The following SNX29 variants were observed in gnomAD, a reference collection of about 807,000 sequenced individuals.
SNX29 encodes the protein sorting nexin 29.
SNX29 carries 78 observed loss-of-function variants against 102.1 expected under a neutral mutation model. The ratio of observed to expected loss-of-function variants is 0.76; its 90% CI spans 0.64 to 0.92. The LOEUF is 0.92. Ranked by LOEUF, SNX29 falls within the 40% of genes least tolerant of loss-of-function variation. SNX29 has a pLI of 0.00. For missense variants in SNX29, 1,280 were observed against 1,061.7 expected, an observed-to-expected ratio of 1.21 and a Z score of -2.86; for synonymous variants, 580 against 414.5, an observed-to-expected ratio of 1.40 and a Z score of -4.85.
intron 4 of SNX29, among the ~76,000 whole-genome samples, chr16:12,034,356 C>T (rs895639875): frequency 2.0e-5 from 3 of 152,182 alleles, no homozygotes; most frequent in African/African-American, 7.2e-5. Flanking sequence ...CATGCACGTG[C>T]CAATCAGCTG....
rs574223341 is a variant in SNX29 at position 12,287,994 on chromosome 16, T to A, written c.1782+9958T>A. Among the ~76,000 whole-genome samples the A allele has an allele frequency of 3.3e-5, 5 of 152,324 alleles. No homozygotes were observed. In the South Asian group the frequency reaches 1.0e-3, roughly 32 times the overall value. ...AGCTATAGATATTGATGTCACAGCC[T>A]GGGCAATGTAGTGAGACCCTGTAAT... On this transcript the variant is annotated intron_variant, in intron 15 of 20. Coordinates refer to ENST00000566228, the MANE Select transcript of SNX29 (RefSeq NM_032167.5).
intron 13 of SNX29, among the ~76,000 whole-genome samples, chr16:12,152,804 T>C (rs2055355056): frequency 6.6e-6 from 1 of 152,250 alleles, no homozygotes; most frequent in Non-Finnish European, 1.5e-5. Flanking sequence ...ACACCAGTAA[T>C]GGTTCTGTCT....
chr16:12,430,774 TAAAG>T (rs1288397291), intron 18 of SNX29, among the ~76,000 whole-genome samples: 1 of 151,908 alleles, frequency 6.6e-6, no homozygotes, highest in Non-Finnish European at 1.5e-5. Flanking sequence ...GGTGGGAGAA[TAAAG>T]AGAGACACCT....
chr16:12,275,901 T>TG (rs1491065318), intron 14 of SNX29, among the ~76,000 whole-genome samples: 1 of 102,882 alleles, frequency 9.7e-6, no homozygotes, highest in East Asian at 2.5e-4. Context: ...TTTTTTTTTT[T>TG]TGGGGGGCGT....
intron 13 of SNX29, among the ~76,000 whole-genome samples, chr16:12,146,101 G>A (rs918212056): frequency 2.0e-5 from 3 of 152,174 alleles, no homozygotes; most frequent in African/African-American, 4.8e-5. Context: ...CATTCCTTAG[G>A]GTACTTGGTG....
At chr16:12,436,067 C>T (rs931625764) in intron 18 of SNX29, among the ~76,000 whole-genome samples, 7 of 152,180 alleles carry the variant, frequency 4.6e-5, no homozygotes, top group African/African-American at 1.7e-4. Context: ...CAATGGCACT[C>T]AATTGGGGCG....
Position 12,356,275 on chromosome 16 carries a change from G to T in SNX29, c.1895G>T (p.Gly632Val). 1 of 1,600,004 alleles carries T rather than the reference G, an allele frequency of 6.2e-7. No homozygotes were observed. ...QMRQELIDLR[G>V]PVPGDLSQTS... The stretch of plus-strand genomic sequence containing the variant: ...AGGCAGGAGCTCATCGATCTCCGGG[G>T]ACCGGTGAGTGTTTCCCCAACCCTG... The change falls in exon 16 of 21, where the codon GGA becomes GTA. Residue 632 changes from glycine (G) to valine (V), a missense_variant. Coordinates refer to ENST00000566228, the MANE Select transcript of SNX29 (RefSeq NM_032167.5).
intron 20 of SNX29, among the ~76,000 whole-genome samples, chr16:12,554,877 G>A (rs146987138): frequency 0.016 from 2,360 of 152,178 alleles, 53 homozygotes; most frequent in African/African-American, 0.052. Context: ...ACAAAGATAT[G>A]TCAGCATGCC....
intron 14 of SNX29, among the ~76,000 whole-genome samples, chr16:12,220,967 A>C (rs1255419933): frequency 6.6e-6 from 1 of 152,162 alleles, no homozygotes; most frequent in Non-Finnish European, 1.5e-5. Context: ...AAATGAATAA[A>C]TATGTGCTGT....
intron 14 of SNX29, among the ~76,000 whole-genome samples, chr16:12,244,230 C>CT (rs1462324191): frequency 1.3e-5 from 2 of 152,174 alleles, no homozygotes; most frequent in Non-Finnish European, 2.9e-5. Context: ...GGTCTGTGGC[C>CT]TTGGGGGTTG....
chr16:12,175,017 A>G (rs1186393466), intron 13 of SNX29, among the ~76,000 whole-genome samples: 6 of 152,234 alleles, frequency 3.9e-5, no homozygotes, highest in Non-Finnish European at 5.9e-5. Context: ...CTCACAAGCA[A>G]TGCTAATTAT....
intron 20 of SNX29, among the ~76,000 whole-genome samples, chr16:12,566,091 G>A (rs966415535): frequency 1.3e-5 from 2 of 152,208 alleles, no homozygotes; most frequent in Non-Finnish European, 2.9e-5. Context: ...TCCCCATGAT[G>A]CTTAAAACCA....
chr16:12,072,648 G>A (rs1040234037), intron 10 of SNX29, among the ~76,000 whole-genome samples: 4 of 152,108 alleles, frequency 2.6e-5, no homozygotes, highest in Non-Finnish European at 4.4e-5. Flanking sequence ...TTGTGTCTCT[G>A]CCCGGCTTTG....
At chr16:12,076,594 G>C (rs975427765) in intron 10 of SNX29, among the ~76,000 whole-genome samples, 1 of 152,090 alleles carries the variant, frequency 6.6e-6, no homozygotes. Flanking sequence ...GAGCCACCAC[G>C]CCCAGCCTGG....
chr16:12,325,760 G>T (rs1312342125), intron 15 of SNX29, among the ~76,000 whole-genome samples: 2 of 152,056 alleles, frequency 1.3e-5, no homozygotes, highest in Non-Finnish European at 2.9e-5. Flanking sequence ...GGCACAGGGG[G>T]TTATGCCTGT....
intron 15 of SNX29, among the ~76,000 whole-genome samples, chr16:12,351,035 C>T (rs1434952430): frequency 1.3e-5 from 2 of 152,168 alleles, no homozygotes; most frequent in Non-Finnish European, 2.9e-5. Flanking sequence ...ATAGTAGGGC[C>T]ATTAAGGTGG....
At chr16:12,220,674 T>C (rs1012897690) in intron 14 of SNX29, among the ~76,000 whole-genome samples, 1 of 152,264 alleles carries the variant, frequency 6.6e-6, no homozygotes, top group African/African-American at 2.4e-5. Context: ...TAAAATATTT[T>C]TCTTTTCTTT....
At chr16:12,471,165 C>A (rs192485465) in intron 18 of SNX29, among the ~76,000 whole-genome samples, 2 of 152,284 alleles carry the variant, frequency 1.3e-5, no homozygotes, top group Admixed American at 1.3e-4. Context: ...GGGCTTCAGC[C>A]ACTTAAAGGA....
intron 15 of SNX29, among the ~76,000 whole-genome samples, chr16:12,333,872 A>G (rs112743152): frequency 0.022 from 3,341 of 152,228 alleles, 111 homozygotes; most frequent in African/African-American, 0.077. Flanking sequence ...AGAGACCCGA[A>G]TGGAGAATGA....
Sources: allele counts gnomAD v4.1 joint callset (sites outside exome capture counted in the v4.1 genomes callset), GRCh38; gene constraint gnomAD v4.1.1; transcripts MANE v1.5; gene names NCBI Gene and HGNC (gene_info 2026-07-23, HGNC 2026-07-21).